Variants in ARL8B observed in about 807,000 individuals in gnomAD.
ARL8B encodes the protein ADP-ribosylation factor-like protein 8B.
ARL8B carries 9 observed loss-of-function variants against 30.6 expected under a neutral mutation model. The ratio of observed to expected loss-of-function variants is 0.29; its 90% confidence interval spans 0.18 to 0.51. ARL8B has a LOEUF of 0.51. Among genes scored for constraint, ARL8B ranks in the 20% least tolerant of loss-of-function variants. The pLI is 0.97. For missense variants in ARL8B, 130 were observed against 227.2 expected, an observed-to-expected ratio of 0.57 and a Z score of 2.75; for synonymous variants, 74 against 76.0, an observed-to-expected ratio of 0.97 and a Z score of 0.14.
chr3:5,142,475 G>T (rs1205142822), intron 1 of ARL8B, among the ~76,000 whole-genome samples: 6 of 152,042 alleles, frequency 3.9e-5, no homozygotes, highest in Non-Finnish European at 2.9e-5. Context: ...ATTTCTTCAG[G>T]ATCAGTATCC....
At chr3:5,130,267 C>T (rs949672171) in intron 1 of ARL8B, among the ~76,000 whole-genome samples, 18 of 151,852 alleles carry the variant, frequency 1.2e-4, no homozygotes, top group African/African-American at 4.1e-4. Context: ...TCAAGAGATT[C>T]TCCTGCCTCA....
chr3:5,166,366 T>C (rs1575572852), intron 1 of ARL8B, among the ~76,000 whole-genome samples: 2 of 119,410 alleles, frequency 1.7e-5, no homozygotes, highest in African/African-American at 7.2e-5. Flanking sequence ...TTTTTTTTTT[T>C]TGGTAATGCT....
intron 1 of ARL8B, among the ~76,000 whole-genome samples, chr3:5,169,018 A>G (rs2054646996): frequency 6.6e-6 from 1 of 152,224 alleles, no homozygotes; most frequent in Non-Finnish European, 1.5e-5. Flanking sequence ...TTGGGACTCT[A>G]CTACCTGTTC....
At chr3:5,160,155 T>C (rs1301545393) in intron 1 of ARL8B, among the ~76,000 whole-genome samples, 1 of 152,228 alleles carries the variant, frequency 6.6e-6, no homozygotes, top group South Asian at 2.1e-4. Flanking sequence ...CAGATAACTT[T>C]AGTGACTTCA....
chr3:5,179,689 C>T lies in ARL8B; in HGVS notation c.*976C>T, dbSNP rs914346230. On this transcript the variant is annotated 3_prime_UTR_variant, in exon 7 of 7. Transcript: ENST00000256496. Reference sequence around the variant, plus strand: ...ATCCAGTCATAAAGTTGACTTTCAGCACAAAAGATACTTATAAACAAATAA... The same window carrying T: ...ATCCAGTCATAAAGTTGACTTTCAGTACAAAAGATACTTATAAACAAATAA... The T allele has an allele frequency of 6.6e-6, 1 of 152,566 alleles. No homozygotes were observed. The highest frequency in any genetic ancestry group is 2.4e-5 in the African/African-American group (1 of 41,450). 9.5% of individuals were successfully genotyped at this position (152,566 alleles called of 1,614,324 possible).
chr3:5,168,061 A>G (rs187031347), intron 1 of ARL8B, among the ~76,000 whole-genome samples: 55 of 152,270 alleles, frequency 3.6e-4, no homozygotes, highest in African/African-American at 1.3e-3. Context: ...TTCATGGCCT[A>G]TGTTTTTTTT....
chr3:5,174,781 AAT>A (rs201576639), intron 6 of ARL8B, among the ~76,000 whole-genome samples: 9 of 145,934 alleles, frequency 6.2e-5, no homozygotes, highest in East Asian at 2.0e-4. Context: ...ATATAACATA[AAT>A]ATATATATAT....
At chr3:5,168,829 A>T (rs2054645510) in intron 1 of ARL8B, among the ~76,000 whole-genome samples, 1 of 152,214 alleles carries the variant, frequency 6.6e-6, no homozygotes, top group Admixed American at 6.5e-5. Flanking sequence ...AAAGTTTGGT[A>T]CCTAAAAATT....
intron 4 of ARL8B, 146 bp downstream of exon 4, chr3:5,172,886 A>G (rs780778149): frequency 6.8e-6 from 4 of 591,752 alleles, no homozygotes; most frequent in Non-Finnish European, 9.0e-6. Flanking sequence ...TGTATCTGCC[A>G]TATACTGGGC....
chr3:5,148,589 TTTC>T (rs1406986311), intron 1 of ARL8B, among the ~76,000 whole-genome samples: 3 of 152,078 alleles, frequency 2.0e-5, no homozygotes, highest in Non-Finnish European at 4.4e-5. Context: ...TTAGGTTCTT[TTTC>T]TTCTTCTTTG....
intron 1 of ARL8B, among the ~76,000 whole-genome samples, chr3:5,169,896 A>AT (rs1268453824): frequency 1.3e-5 from 2 of 152,232 alleles, no homozygotes; most frequent in Admixed American, 6.5e-5. Context: ...ATAGGAAGTT[A>AT]TTTGTACAGT....
intron 1 of ARL8B, among the ~76,000 whole-genome samples, chr3:5,161,182 G>C (rs1339785726): frequency 6.6e-6 from 1 of 152,204 alleles, no homozygotes; most frequent in Non-Finnish European, 1.5e-5. Flanking sequence ...GGGGATTACA[G>C]GGGTGAGGCA....
intron 6 of ARL8B, among the ~76,000 whole-genome samples, chr3:5,177,135 A>G (rs2054737258): frequency 6.6e-6 from 1 of 152,224 alleles, no homozygotes; most frequent in African/African-American, 2.4e-5. Context: ...AAAAAAAACA[A>G]AATCTCTTGG....
chr3:5,128,209 T>C (rs949316499), intron 1 of ARL8B, among the ~76,000 whole-genome samples: 1 of 151,560 alleles, frequency 6.6e-6, no homozygotes, highest in Non-Finnish European at 1.5e-5. Flanking sequence ...TATTTGATTG[T>C]ATTGCTTATT....
chr3:5,148,177 C>T (rs1407458379), intron 1 of ARL8B, among the ~76,000 whole-genome samples: 7 of 151,980 alleles, frequency 4.6e-5, no homozygotes, highest in Admixed American at 6.6e-5. Flanking sequence ...CTGGGTCCTA[C>T]GAATTGGTCC....
chr3:5,142,524 T>G (rs1044150365), intron 1 of ARL8B, among the ~76,000 whole-genome samples: 2 of 152,160 alleles, frequency 1.3e-5, no homozygotes, highest in Non-Finnish European at 2.9e-5. Flanking sequence ...CCTGAGGTCC[T>G]CCCGTAGCAC....
intron 6 of ARL8B, among the ~76,000 whole-genome samples, chr3:5,174,757 T>A (rs1328577366): frequency 1.4e-5 from 2 of 145,660 alleles, no homozygotes; most frequent in South Asian, 2.1e-4. Flanking sequence ...ATAATATATA[T>A]AAATATATAT....
At position 5,141,771 on chromosome 3, in the gene ARL8B, T is replaced by C. The variant is rs1375390882; in HGVS notation, c.123+19183T>C. On this transcript the variant is annotated intron_variant, in intron 1 of 6. Transcript: ENST00000256496. ...CACCCCCTTTTTCTGGTATTACGTC[T>C]AGTGCAAGCCTGTTTTTCCAGGCCA... Among the ~76,000 whole-genome samples the C allele has an allele frequency of 2.0e-5, 3 of 152,206 alleles. No homozygotes were observed. The East Asian group carries it at 5.8e-4, about 29-fold the overall frequency.
At position 5,142,037 on chromosome 3, in the gene ARL8B, C is replaced by T. The variant is rs1199691495; in HGVS notation, c.123+19449C>T. ...ATATATTGACATTAAAAGAGTTTGT[C>T]AAATCTCTCTGCTTTCAGTGGCCGT... On this transcript the variant is annotated intron_variant, in intron 1 of 6. Transcript: ENST00000256496. 3.9e-5 allele frequency among the ~76,000 whole-genome samples: 6 copies of T among 152,250 alleles called. No individual in the cohort carries two copies. In the East Asian group the frequency reaches 1.2e-3, roughly 29 times the overall value.
Sources: gnomAD v4.1 joint callset for allele counts (sites outside exome capture counted in the v4.1 genomes callset) on GRCh38, gnomAD v4.1.1 for gene constraint, MANE v1.5 for transcripts, NCBI Gene and HGNC (gene_info 2026-07-23, HGNC 2026-07-21) for gene names.